The following CCDC126 variants were observed in gnomAD, a reference collection of about 807,000 sequenced individuals.
The protein encoded by CCDC126 is coiled-coil domain containing 126, also known as coiled-coil domain-containing protein 126.
In CCDC126, 5 loss-of-function variants were observed where a neutral mutation model predicts 11.7. That is an observed-to-expected ratio of 0.43 (90% confidence interval 0.22 to 0.90). The LOEUF (loss-of-function observed/expected upper bound fraction) is 0.90, where lower values mean the gene tolerates loss of function less well. Among genes scored for constraint, CCDC126 ranks in the 40% least tolerant of loss-of-function variants. The pLI is 0.27. For missense variants in CCDC126, 150 were observed against 163.1 expected (o/e 0.92, Z 0.44); for synonymous variants, 60 against 61.9 (o/e 0.97, Z 0.14).
intron 3 of CCDC126, among the ~76,000 whole-genome samples, chr7:23,612,904 T>C (rs942628240): frequency 2.0e-5 from 3 of 152,242 alleles, no homozygotes; most frequent in African/African-American, 7.2e-5. Context: ...TGACATGTTC[T>C]TTCTTTCCTT....
intron 3 of CCDC126, among the ~76,000 whole-genome samples, chr7:23,613,886 T>C (rs754684740): frequency 5.9e-5 from 9 of 152,230 alleles, no homozygotes; most frequent in African/African-American, 9.6e-5. Context: ...AGTAGCATTA[T>C]GTCTTAAAAA....
chr7:23,635,463 C>G (rs1783193549), intron 3 of CCDC126, among the ~76,000 whole-genome samples: 1 of 152,144 alleles, frequency 6.6e-6, no homozygotes, highest in Non-Finnish European at 1.5e-5. Context: ...AAGATGTCAT[C>G]TCATGACATG....
At chr7:23,620,403 T>G (rs1396149353) in intron 3 of CCDC126, among the ~76,000 whole-genome samples, 1 of 152,270 alleles carries the variant, frequency 6.6e-6, no homozygotes, top group African/African-American at 2.4e-5. Context: ...TCTGTTCATA[T>G]CCTTCACCCA....
chr7:23,619,444 A>G (rs1398616398), intron 3 of CCDC126: 2 of 415,170 alleles, frequency 4.8e-6, no homozygotes, highest in Non-Finnish European at 9.4e-6. Flanking sequence ...GAAAGAAGAA[A>G]AGGATCCCAG....
intron 3 of CCDC126, among the ~76,000 whole-genome samples, chr7:23,639,214 T>TG (rs1562500348): frequency 1.3e-5 from 2 of 149,082 alleles, no homozygotes; most frequent in African/African-American, 5.0e-5. Flanking sequence ...TTTTTTGAGA[T>TG]GGAGTCTCGC....
chr7:23,607,167 T>A (rs1208689223), intron 2 of CCDC126, among the ~76,000 whole-genome samples: 5 of 152,216 alleles, frequency 3.3e-5, no homozygotes, highest in South Asian at 4.1e-4. Flanking sequence ...GTGTTTTTTT[T>A]AAGTGATTAA....
intron 3 of CCDC126, among the ~76,000 whole-genome samples, chr7:23,634,164 G>A (rs565931135): frequency 2.0e-5 from 3 of 152,292 alleles, no homozygotes; most frequent in African/African-American, 7.2e-5. Flanking sequence ...GATAAAGTAC[G>A]GCCAGGCCTG....
chr7:23,602,761 A>T (rs1193004664), intron 2 of CCDC126, among the ~76,000 whole-genome samples: 2 of 151,076 alleles, frequency 1.3e-5, no homozygotes, highest in African/African-American at 4.9e-5. Flanking sequence ...TTGACCTCAC[A>T]CCTCAGGCAG....
chr7:23,619,996 G>A (rs916137388), intron 3 of CCDC126, among the ~76,000 whole-genome samples: 4 of 151,986 alleles, frequency 2.6e-5, no homozygotes, highest in African/African-American at 7.3e-5. Flanking sequence ...GGATATTTGG[G>A]TTGGTTCCAA....
chr7:23,630,229 T>G (rs1368894082), intron 3 of CCDC126, among the ~76,000 whole-genome samples: 2 of 152,198 alleles, frequency 1.3e-5, no homozygotes, highest in African/African-American at 2.4e-5. Flanking sequence ...CAGGGTGTGG[T>G]GGCTCTCGCC....
At chr7:23,605,212 G>T (rs1201427407) in intron 2 of CCDC126, among the ~76,000 whole-genome samples, 1 of 152,142 alleles carries the variant, frequency 6.6e-6, no homozygotes, top group Non-Finnish European at 1.5e-5. Flanking sequence ...GTTTTCCCTA[G>T]CATGGGTTTA....
intron 3 of CCDC126, among the ~76,000 whole-genome samples, chr7:23,629,100 A>AG (rs527403372): frequency 6.6e-6 from 1 of 152,238 alleles, no homozygotes; most frequent in South Asian, 2.1e-4. Flanking sequence ...ACCAAGAACC[A>AG]GGAAGGTCTC....
rs1326886104 is a variant in CCDC126 at position 23,612,218 on chromosome 7, G to T, written c.238+665G>T. On this transcript the variant is annotated intron_variant, in intron 3 of 3. Coordinates refer to ENST00000307471, the MANE Select transcript of CCDC126 (RefSeq NM_138771.4). The stretch of plus-strand genomic sequence containing the variant: ...ACATCTGTAATCTTAGTACTTTGGG[G>T]GGCCAAGGTGGGAAGATTGCTGGAG... Among the ~76,000 whole-genome samples the T allele has an allele frequency of 2.0e-5, 3 of 151,660 alleles. No individual in the cohort carries two copies. The East Asian group carries it at 5.8e-4, about 29-fold the overall frequency.
At chr7:23,624,397 C>G (rs531349237) in intron 3 of CCDC126, among the ~76,000 whole-genome samples, 2 of 152,294 alleles carry the variant, frequency 1.3e-5, no homozygotes, top group South Asian at 2.1e-4. Context: ...TCCACCTCGG[C>G]CTCTCAAAGT....
chr7:23,641,204 G>A (rs561413562), intron 3 of CCDC126, among the ~76,000 whole-genome samples: 1 of 152,110 alleles, frequency 6.6e-6, no homozygotes, highest in South Asian at 2.1e-4. Flanking sequence ...AGCTATCCTA[G>A]TAAGTGTGAA....
At chr7:23,631,810 G>GA (rs1335633898) in intron 3 of CCDC126, among the ~76,000 whole-genome samples, 2 of 151,056 alleles carry the variant, frequency 1.3e-5, no homozygotes, top group Admixed American at 6.6e-5. Context: ...CCCCCACCCT[G>GA]AAAAAAAATC....
intron 3 of CCDC126, chr7:23,622,870 C>T (rs1169543590): frequency 2.6e-6 from 1 of 388,540 alleles, no homozygotes; most frequent in Non-Finnish European, 5.0e-6. Context: ...AACCAATGTT[C>T]TCTTGTTGCG....
intron 3 of CCDC126, among the ~76,000 whole-genome samples, chr7:23,618,904 C>A (rs183977817): frequency 1.3e-5 from 2 of 152,122 alleles, no homozygotes; most frequent in Admixed American, 6.5e-5. Flanking sequence ...TTGAGATGAT[C>A]TCTAATATCA....
chr7:23,607,412 A>G (rs1163080907), intron 2 of CCDC126, among the ~76,000 whole-genome samples: 1 of 152,198 alleles, frequency 6.6e-6, no homozygotes, highest in Admixed American at 6.5e-5. Context: ...TCAAAGTGCA[A>G]GTTCTTCTGT....
Sources: gnomAD v4.1 joint callset for allele counts (sites outside exome capture counted in the v4.1 genomes callset) on GRCh38, gnomAD v4.1.1 for gene constraint, MANE v1.5 for transcripts, NCBI Gene and HGNC (gene_info 2026-07-23, HGNC 2026-07-21) for gene names.